Variants in ARL15 observed in about 807,000 individuals in gnomAD.
The protein encoded by ARL15 is ADP-ribosylation factor-like protein 15.
Under a neutral mutation model 25.2 loss-of-function variants are expected in ARL15, and 19 were observed. The observed-to-expected ratio is 0.75, with a 90% CI of 0.53 to 1.10. The LOEUF (loss-of-function observed/expected upper bound fraction) is 1.10, where lower values mean the gene tolerates loss of function less well. Among genes scored for constraint, ARL15 ranks in the 50% least tolerant of loss-of-function variants. ARL15 has a pLI of 0.00. For missense variants in ARL15, 220 were observed against 246.0 expected, an observed-to-expected ratio of 0.89 and a Z score of 0.71; for synonymous variants, 94 against 86.8, an observed-to-expected ratio of 1.08 and a Z score of -0.46.
chr5:53,915,392 A>C (rs1221693995), intron 4 of ARL15, among the ~76,000 whole-genome samples: 4 of 152,368 alleles, frequency 2.6e-5, no homozygotes, highest in Admixed American at 2.0e-4. Context: ...TAATAATTAT[A>C]ACAAGGTATG....
chr5:54,217,252 C>A (rs1202907060), intron 1 of ARL15, among the ~76,000 whole-genome samples: 2 of 150,862 alleles, frequency 1.3e-5, no homozygotes, highest in Admixed American at 1.3e-4. Flanking sequence ...CACCTCCCAT[C>A]CTATATGAAA....
At chr5:53,991,119 T>C (rs1424652769) in intron 4 of ARL15, among the ~76,000 whole-genome samples, 3 of 152,188 alleles carry the variant, frequency 2.0e-5, no homozygotes, top group Non-Finnish European at 4.4e-5. Context: ...CTGGAACTTA[T>C]TTTATGGTCA....
intron 1 of ARL15, among the ~76,000 whole-genome samples, chr5:54,263,871 C>G (rs1467138008): frequency 6.6e-6 from 1 of 151,994 alleles, no homozygotes; most frequent in Non-Finnish European, 1.5e-5. Context: ...CTTTGCTCCC[C>G]AAATTACTCC....
chr5:54,251,279 G>A (rs1246726576), intron 1 of ARL15, among the ~76,000 whole-genome samples: 1 of 152,158 alleles, frequency 6.6e-6, no homozygotes, highest in Non-Finnish European at 1.5e-5. Context: ...TTGAACTTTA[G>A]TGCAAAGAAA....
At chr5:54,305,221 A>G (rs940877231) in intron 1 of ARL15, among the ~76,000 whole-genome samples, 6 of 152,128 alleles carry the variant, frequency 3.9e-5, no homozygotes, top group African/African-American at 1.4e-4. Flanking sequence ...AAACACTGGC[A>G]GGGCACGGTG....
At chr5:53,916,529 G>C (rs913113026) in intron 4 of ARL15, among the ~76,000 whole-genome samples, 2 of 152,060 alleles carry the variant, frequency 1.3e-5, no homozygotes, top group African/African-American at 4.8e-5. Flanking sequence ...GGGAAAGAAA[G>C]AAAGAAAATT....
intron 1 of ARL15, among the ~76,000 whole-genome samples, chr5:54,173,146 G>A (rs27992): frequency 0.41 from 62,062 of 149,812 alleles, 13,481 homozygotes; most frequent in Admixed American, 0.48. Context: ...TCACACTATT[G>A]CACTCCAGCC....
chr5:53,910,613 TA>T, intron 4 of ARL15, among the ~76,000 whole-genome samples: 1 of 26,982 alleles, frequency 3.7e-5, no homozygotes, highest in African/African-American at 9.3e-5. Context: ...CCCTAGAACT[TA>T]AAGTATAATA....
chr5:54,121,024 G>C (rs185182343), intron 3 of ARL15, among the ~76,000 whole-genome samples: 1 of 151,968 alleles, frequency 6.6e-6, no homozygotes, highest in African/African-American at 2.4e-5. Context: ...ACAAACTCAC[G>C]GAAAAAGTTA....
At chr5:54,019,448 C>T (rs931148042) in intron 4 of ARL15, among the ~76,000 whole-genome samples, 2 of 152,002 alleles carry the variant, frequency 1.3e-5, no homozygotes, top group African/African-American at 4.8e-5. Context: ...AAGTAGTGTT[C>T]GGTAAAACTA....
At chr5:54,310,259 T>C in intron 1 of ARL15, 173 bp downstream of exon 1, 1 of 672,194 alleles carries the variant, frequency 1.5e-6, no homozygotes, top group Non-Finnish European at 2.4e-6. Context: ...CCACCCGCCC[T>C]GGAGGCTGCC....
intron 1 of ARL15, among the ~76,000 whole-genome samples, chr5:54,307,338 G>A (rs1231450420): frequency 1.3e-5 from 2 of 152,098 alleles, no homozygotes; most frequent in Non-Finnish European, 2.9e-5. Context: ...GTGAAAAAAA[G>A]CAGAATTTTC....
chr5:54,062,937 G>C (rs565393565), intron 4 of ARL15, among the ~76,000 whole-genome samples: 3 of 152,286 alleles, frequency 2.0e-5, no homozygotes, highest in Non-Finnish European at 4.4e-5. Flanking sequence ...AGGACTTGTA[G>C]AATCATAGTT....
At chr5:54,166,268 C>CATT (rs980431212) in intron 2 of ARL15, among the ~76,000 whole-genome samples, 2 of 152,112 alleles carry the variant, frequency 1.3e-5, no homozygotes, top group Admixed American at 1.3e-4. Context: ...GATCACAGCT[C>CATT]ATTGCAGCCT....
At chr5:54,036,150 G>A (rs1244946725) in intron 4 of ARL15, among the ~76,000 whole-genome samples, 11 of 147,770 alleles carry the variant, frequency 7.4e-5, no homozygotes, top group Non-Finnish European at 1.5e-4. Context: ...ACCCCGCTTC[G>A]TAAAAAAGAA....
chr5:53,947,520 G>A (rs552701908), intron 4 of ARL15, among the ~76,000 whole-genome samples: 5 of 152,164 alleles, frequency 3.3e-5, no homozygotes, highest in Non-Finnish European at 7.3e-5. Flanking sequence ...CTGTGAATAT[G>A]TAGAGCAAAC....
intron 4 of ARL15, among the ~76,000 whole-genome samples, chr5:54,096,176 T>C (rs1752282519): frequency 1.3e-5 from 2 of 152,204 alleles, no homozygotes; most frequent in African/African-American, 4.8e-5. Context: ...TAGTTCATAT[T>C]AATTTCAGTT....
chr5:54,152,416 A>G (rs989735880), intron 3 of ARL15, among the ~76,000 whole-genome samples: 1 of 152,172 alleles, frequency 6.6e-6, no homozygotes, highest in African/African-American at 2.4e-5. Flanking sequence ...AAAATATTTG[A>G]GGAAATGACT....
chr5:54,117,690 G>A (rs755637514), intron 3 of ARL15, among the ~76,000 whole-genome samples: 17 of 152,128 alleles, frequency 1.1e-4, no homozygotes, highest in Non-Finnish European at 2.1e-4. Context: ...AACTGTTTGA[G>A]TTGTAAGCTA....
Sources: allele counts gnomAD v4.1 joint callset (sites outside exome capture counted in the v4.1 genomes callset), GRCh38; gene constraint gnomAD v4.1.1; transcripts MANE v1.5; gene names NCBI Gene and HGNC (gene_info 2026-07-23, HGNC 2026-07-21).